Variants in SEPTIN10 observed in about 807,000 individuals in gnomAD.
SEPTIN10 encodes septin-10.
SEPTIN10 carries 66 observed loss-of-function variants against 54.8 expected under a neutral mutation model. The observed-to-expected ratio is 1.21, with a 90% CI of 0.99 to 1.48. The LOEUF (loss-of-function observed/expected upper bound fraction) is 1.48. Ranked by LOEUF, SEPTIN10 falls within the 40% of genes most tolerant of loss-of-function variation. The pLI, the probability that SEPTIN10 is intolerant of heterozygous loss-of-function variation, is 0.00. For missense variants in SEPTIN10, 620 were observed against 545.6 expected (o/e 1.14, Z -1.36); for synonymous variants, 161 against 181.0 (o/e 0.89, Z 0.89).
chr2:109,544,576 A>C, intron 10 of SEPTIN10: 1 of 977,672 alleles, frequency 1.0e-6, no homozygotes, highest in Non-Finnish European at 1.2e-6. Flanking sequence ...TAATTTTTAC[A>C]AGGTAAATGT....
chr2:109,590,961 A>G (rs1693925728), intron 2 of SEPTIN10, among the ~76,000 whole-genome samples: 1 of 152,220 alleles, frequency 6.6e-6, no homozygotes, highest in Non-Finnish European at 1.5e-5. Context: ...TGAAACCCAG[A>G]GCAGAGAAGG....
At chr2:109,599,249 G>C (rs957166956) in intron 1 of SEPTIN10, among the ~76,000 whole-genome samples, 1 of 152,070 alleles carries the variant, frequency 6.6e-6, no homozygotes, top group Admixed American at 6.5e-5. Context: ...CTTGAGGTCA[G>C]GAGTTTGAGA....
intron 4 of SEPTIN10, among the ~76,000 whole-genome samples, chr2:109,579,624 C>T (rs562459415): frequency 2.0e-5 from 3 of 151,006 alleles, no homozygotes; most frequent in Non-Finnish European, 2.9e-5. Context: ...CTCAGGTGAT[C>T]CACCCACCTT....
rs1424034063 is a variant in SEPTIN10, at chr2:109,593,254, T to A, written c.31-135A>T. The A allele has an allele frequency of 8.0e-6, 4 of 497,058 alleles. No individual in the cohort carries two copies. The East Asian group carries it at 1.3e-4, about 16-fold the overall frequency. The allele number at this position is 497,058 out of a possible 1,614,324, so 30.8% of individuals were successfully genotyped here. ...ACCAAGTTTTGATGTGTAGTCTACA[T>A]TATTGAATCGTGTTTGAAATTGTGG... On this transcript the variant is annotated intron_variant, in intron 1 of 10. Coordinates refer to ENST00000397712, the MANE Select transcript of SEPTIN10 (RefSeq NM_144710.5).
chr2:109,577,843 GGGGA>G (rs1690068547), intron 4 of SEPTIN10, among the ~76,000 whole-genome samples: 1 of 150,744 alleles, frequency 6.6e-6, no homozygotes, highest in Non-Finnish European at 1.5e-5. Context: ...AACCCAGGAG[GGGGA>G]GGTTACAGTG....
Position 109,564,424 on chromosome 2 carries a change from G to A in SEPTIN10, c.970C>T (p.Arg324Cys), listed in dbSNP as rs766181304. 18 of 1,593,578 alleles carry A rather than the reference G, an allele frequency of 1.1e-5. No individual in the cohort carries two copies. Among genetic ancestry groups the A allele is most frequent in the South Asian group, 3.5e-5 (3 of 86,778 alleles). Residue 324 changes from arginine (R) to cysteine (C), a missense_variant, in exon 8 of 11, where the codon CGC becomes TGC. By Grantham distance (180) the Arg-to-Cys change is radical. Coordinates refer to ENST00000397712, the MANE Select transcript of SEPTIN10 (RefSeq NM_144710.5). ...THTRHYELYRRCKLEEMGFTD... is the reference protein window; with the variant it reads ...THTRHYELYRCCKLEEMGFTD... ...AAGCCCATTTCCTCCAGTTTGCAGC[G>A]CCTGTAAAGCTCATAGTGCCTGGTA...
At chr2:109,611,356 G>A (rs1359625184) in intron 1 of SEPTIN10, among the ~76,000 whole-genome samples, 1 of 151,798 alleles carries the variant, frequency 6.6e-6, no homozygotes, top group Non-Finnish European at 1.5e-5. Context: ...GAAAACTTTT[G>A]CTTTGCAAAA....
At chr2:109,545,783 C>T in intron 10 of SEPTIN10, 3 of 1,426,826 alleles carry the variant, frequency 2.1e-6, no homozygotes, top group African/African-American at 1.4e-5. Flanking sequence ...CTAACTGATC[C>T]TTTTCACACT....
Position 109,571,523 on chromosome 2 carries a change from A to T in SEPTIN10, c.600+3058T>A, listed in dbSNP as rs529518798. Among the ~76,000 whole-genome samples, 116 of 152,332 alleles carry T rather than the reference A, an allele frequency of 7.6e-4. 3 individuals carry two copies. The South Asian group carries it at 0.023, about 31-fold the overall frequency. On this transcript the variant is annotated intron_variant, in intron 5 of 10. Transcript: ENST00000397712. The stretch of plus-strand genomic sequence containing the variant: ...GTGTGTATGTAGGCAACTATAATAC[A>T]ATGCTAAGTATGTGTATATCTAAAC...
At chr2:109,599,995 G>A (rs1696263376) in intron 1 of SEPTIN10, among the ~76,000 whole-genome samples, 1 of 152,112 alleles carries the variant, frequency 6.6e-6, no homozygotes, top group Admixed American at 6.5e-5. Context: ...GCAATACCTA[G>A]TCCTGTGGCC....
At chr2:109,608,957 T>C (rs191215497) in intron 1 of SEPTIN10, among the ~76,000 whole-genome samples, 54 of 152,348 alleles carry the variant, frequency 3.5e-4, no homozygotes, top group African/African-American at 1.3e-3. Flanking sequence ...AAGGGTCCTG[T>C]ATGTATTCTT....
chr2:109,564,591 C>T, intron 7 of SEPTIN10, 57 bp from the exon 8 acceptor site: 1 of 1,386,628 alleles, frequency 7.2e-7, no homozygotes, highest in Non-Finnish European at 9.6e-7. Context: ...TGGCACACAA[C>T]TAAGTGTTTG....
intron 9 of SEPTIN10, among the ~76,000 whole-genome samples, chr2:109,547,849 A>G (rs1186205998): frequency 6.6e-6 from 1 of 152,180 alleles, no homozygotes; most frequent in Non-Finnish European, 1.5e-5. Context: ...AAAAAATAGG[A>G]AACTCAGCTT....
intron 1 of SEPTIN10, among the ~76,000 whole-genome samples, chr2:109,611,528 C>T (rs768959434): frequency 3.9e-5 from 6 of 151,966 alleles, no homozygotes; most frequent in African/African-American, 4.8e-5. Flanking sequence ...GAGGCTGAGA[C>T]GGGAGGATCG....
At position 109,593,036 on chromosome 2, in the gene SEPTIN10, A is replaced by G. The variant is rs1205749489; in HGVS notation, c.99+15T>C. ...TTAGAGTACAATATGGTATCTATTT[A>G]AAAGACATACTCACTATCTGTTCAT... On this transcript the variant is annotated intron_variant, in intron 2 of 10. Coordinates refer to ENST00000397712, the MANE Select transcript of SEPTIN10 (RefSeq NM_144710.5). The G allele has an allele frequency of 6.4e-7, 1 of 1,552,366 alleles. No individual in the cohort carries two copies.
chr2:109,573,592 A>C (rs770305764), intron 5 of SEPTIN10, among the ~76,000 whole-genome samples: 9 of 152,244 alleles, frequency 5.9e-5, no homozygotes, highest in Non-Finnish European at 1.0e-4. Context: ...CAGGCTTTCC[A>C]TACAGGTTTC....
chr2:109,592,201 A>T (rs181945444), intron 2 of SEPTIN10, among the ~76,000 whole-genome samples: 7 of 151,960 alleles, frequency 4.6e-5, no homozygotes, highest in African/African-American at 1.4e-4. Flanking sequence ...GTGGTGGCTC[A>T]CGCCTGTAAT....
chr2:109,555,600 A>C (rs927543950), intron 8 of SEPTIN10, among the ~76,000 whole-genome samples: 2 of 152,236 alleles, frequency 1.3e-5, no homozygotes, highest in Non-Finnish European at 2.9e-5. Flanking sequence ...TCTGCCATCC[A>C]GAAGGAATGC....
chr2:109,611,167 A>C (rs1699177898), intron 1 of SEPTIN10, among the ~76,000 whole-genome samples: 1 of 152,256 alleles, frequency 6.6e-6, no homozygotes, highest in Non-Finnish European at 1.5e-5. Flanking sequence ...TAAGTCTGAC[A>C]CCTAACAGAA....
Sources: allele counts gnomAD v4.1 joint callset (sites outside exome capture counted in the v4.1 genomes callset), GRCh38; gene constraint gnomAD v4.1.1; transcripts MANE v1.5; gene names NCBI Gene and HGNC (gene_info 2026-07-23, HGNC 2026-07-21).